The following PTPRD variants were observed in gnomAD, a reference collection of about 807,000 sequenced individuals.
The protein encoded by PTPRD is receptor-type tyrosine-protein phosphatase delta.
In PTPRD, 34 loss-of-function variants were observed where a neutral mutation model predicts 214.5. The observed-to-expected ratio is 0.16, with a 90% CI of 0.12 to 0.21. The LOEUF (loss-of-function observed/expected upper bound fraction) is 0.21, where lower values mean the gene tolerates loss of function less well. PTPRD is among the 10% of genes least tolerant of loss of function. The pLI is 1.00. For missense variants in PTPRD, 2,545 were observed against 2,398.7 expected (o/e 1.06, Z -1.27); for synonymous variants, 1,128 against 845.7 (o/e 1.33, Z -5.79).
At chr9:10,264,699 A>C (rs551282634) in intron 3 of PTPRD, among the ~76,000 whole-genome samples, 53 of 152,168 alleles carry the variant, frequency 3.5e-4, no homozygotes, top group African/African-American at 1.2e-3. Flanking sequence ...ATTAGTTAAG[A>C]CTTTCGGGAT....
chr9:9,248,275 G>C (rs2099973932), intron 9 of PTPRD, among the ~76,000 whole-genome samples: 1 of 151,790 alleles, frequency 6.6e-6, no homozygotes, highest in Admixed American at 6.6e-5. Context: ...GTATTTTTTA[G>C]TAGAGATGGG....
chr9:9,674,879 T>C, intron 7 of PTPRD, among the ~76,000 whole-genome samples: 1 of 151,856 alleles, frequency 6.6e-6, no homozygotes, highest in South Asian at 2.1e-4. Flanking sequence ...TTAATCACAA[T>C]AGTGAGAAAT....
Position 9,078,013 on chromosome 9 carries a change from A to G in PTPRD, c.-142-59278T>C, listed in dbSNP as rs76865358. Among the ~76,000 whole-genome samples the G allele has an allele frequency of 1.1e-4, 17 of 152,242 alleles. No homozygotes were observed. In the East Asian group the frequency reaches 3.1e-3, roughly 28 times the overall value. On this transcript the variant is annotated intron_variant, in intron 10 of 45. Transcript: ENST00000381196. ...TTTACGCTTTGTATTTTGTAAATGTATGCTAGATTTCTATACAGATATTTT... is the reference window on the plus strand; with the variant it reads ...TTTACGCTTTGTATTTTGTAAATGTGTGCTAGATTTCTATACAGATATTTT...
intron 11 of PTPRD, among the ~76,000 whole-genome samples, chr9:8,859,672 C>T (rs2098055662): frequency 6.6e-6 from 1 of 152,156 alleles, no homozygotes; most frequent in Non-Finnish European, 1.5e-5. Flanking sequence ...TTTGTTTCCA[C>T]CATCTGCATG....
chr9:8,639,069 G>T (rs565457850), intron 12 of PTPRD, among the ~76,000 whole-genome samples: 1 of 152,022 alleles, frequency 6.6e-6, no homozygotes, highest in East Asian at 1.9e-4. Flanking sequence ...TCTCGATCTC[G>T]TCACCTCGTG....
At chr9:8,428,430 T>C (rs546296350) in intron 35 of PTPRD, among the ~76,000 whole-genome samples, 1 of 152,344 alleles carries the variant, frequency 6.6e-6, no homozygotes, top group East Asian at 1.9e-4. Flanking sequence ...CTCATTCCAT[T>C]ACCAAACCAC....
chr9:10,477,284 A>G (rs2099069288), intron 2 of PTPRD, among the ~76,000 whole-genome samples: 2 of 152,336 alleles, frequency 1.3e-5, no homozygotes, highest in South Asian at 4.1e-4. Context: ...ACAAATTTAC[A>G]AGAAAAAAAT....
Position 9,986,810 on chromosome 9 carries a change from T to C in PTPRD, c.-472+46908A>G, listed in dbSNP as rs557327109. Among the ~76,000 whole-genome samples the C allele has an allele frequency of 2.0e-5, 3 of 152,308 alleles. No homozygotes were observed. In the East Asian group the frequency reaches 5.8e-4, roughly 29 times the overall value. On this transcript the variant is annotated intron_variant, in intron 4 of 45. Transcript: ENST00000381196. ...GATATAGAGTTTCAATAATACAAGA[T>C]GAACAAGTTCTGAGATCTACTGTAC...
chr9:10,483,008 G>A (rs182786014), intron 2 of PTPRD, among the ~76,000 whole-genome samples: 31 of 152,244 alleles, frequency 2.0e-4, no homozygotes, highest in Admixed American at 7.2e-4. Flanking sequence ...AACAAATCTG[G>A]AGGCATCGTA....
At chr9:9,159,287 T>C (rs2099884215) in intron 10 of PTPRD, among the ~76,000 whole-genome samples, 2 of 151,812 alleles carry the variant, frequency 1.3e-5, no homozygotes, top group African/African-American at 4.8e-5. Context: ...ATAGAAAAAA[T>C]AGAGAAATAG....
In PTPRD at chr9:8,315,784, TA is replaced by T. The variant is rs1017254249; in HGVS notation, c.*2089del. The T allele has an allele frequency of 4.4e-6, 1 of 228,374 alleles. No individual in the cohort carries two copies. The highest frequency in any genetic ancestry group is 8.7e-6 in the Non-Finnish European group (1 of 114,960). 14.1% of individuals were successfully genotyped at this position (228,374 alleles called of 1,614,324 possible). ...CTTCCATGCAGAACATCCATGAAGCTAAAATTAAACCAAAGTAGTATACTCA... is the reference window on the plus strand; with the variant it reads ...CTTCCATGCAGAACATCCATGAAGCTAAATTAAACCAAAGTAGTATACTCA... On this transcript the variant is annotated 3_prime_UTR_variant, in exon 46 of 46. Transcript: ENST00000381196.
chr9:8,826,143 C>T (rs1306585236), intron 11 of PTPRD, among the ~76,000 whole-genome samples: 2 of 152,010 alleles, frequency 1.3e-5, no homozygotes, highest in African/African-American at 4.8e-5. Flanking sequence ...CCCAATCTTC[C>T]TCCTCCTCCA....
intron 3 of PTPRD, among the ~76,000 whole-genome samples, chr9:10,045,521 A>G (rs116249228): frequency 0.015 from 2,274 of 151,782 alleles, 56 homozygotes; most frequent in African/African-American, 0.052. Flanking sequence ...AAACAATAAG[A>G]TATTTTTTAT....
rs144392461 is a variant in PTPRD at position 9,257,395 on chromosome 9, G to A, written c.-202-74032C>T. Among the ~76,000 whole-genome samples, 500 of 152,086 alleles carry A rather than the reference G, an allele frequency of 3.3e-3. 7 individuals carry two copies. The East Asian group carries it at 0.035, about 11-fold the overall frequency. ...TGAGGATGGAAGAGTTGGCTTCCAT[G>A]TCCCAACCCCAAGCTCTTAGTCATC... is the stretch of plus-strand genomic sequence containing the variant. On this transcript the variant is annotated intron_variant, in intron 9 of 45. Transcript: ENST00000381196.
chr9:9,774,828 C>A (rs556716171), intron 5 of PTPRD, among the ~76,000 whole-genome samples: 20 of 152,236 alleles, frequency 1.3e-4, no homozygotes, highest in African/African-American at 4.8e-4. Flanking sequence ...CTGGCAGTCT[C>A]CAGGAGGGTT....
At chr9:9,346,908 G>C (rs2049031846) in intron 9 of PTPRD, among the ~76,000 whole-genome samples, 1 of 152,036 alleles carries the variant, frequency 6.6e-6, no homozygotes, top group Non-Finnish European at 1.5e-5. Context: ...GGCCAGGCTG[G>C]TCTCAAACTC....
At chr9:9,462,536 ATAATT>A (rs917825971) in intron 8 of PTPRD, among the ~76,000 whole-genome samples, 4 of 152,192 alleles carry the variant, frequency 2.6e-5, no homozygotes, top group African/African-American at 9.6e-5. Flanking sequence ...TTTAAAACAG[ATAATT>A]TAATAAGAGT....
chr9:9,325,410 C>A (rs551523575), intron 9 of PTPRD, among the ~76,000 whole-genome samples: 23 of 152,238 alleles, frequency 1.5e-4, no homozygotes, highest in Non-Finnish European at 3.2e-4. Context: ...TCCTTCATAT[C>A]CCTTGCAAGT....
At chr9:8,435,443 C>A (rs2095304022) in intron 35 of PTPRD, among the ~76,000 whole-genome samples, 1 of 152,056 alleles carries the variant, frequency 6.6e-6, no homozygotes, top group South Asian at 2.1e-4. Context: ...TTAACGACTC[C>A]CAGTAAGTAA....
Sources: allele counts gnomAD v4.1 joint callset (sites outside exome capture counted in the v4.1 genomes callset), GRCh38; gene constraint gnomAD v4.1.1; transcripts MANE v1.5; gene names NCBI Gene and HGNC (gene_info 2026-07-23, HGNC 2026-07-21).